Variants in KLF8 observed in about 807,000 individuals in gnomAD.
KLF8 encodes KLF transcription factor 8.
Under a neutral mutation model 18.2 loss-of-function variants are expected in KLF8, and 10 were observed. That is an observed-to-expected ratio of 0.55 (90% CI 0.34 to 0.93). KLF8 has a LOEUF of 0.93. Among genes scored for constraint, KLF8 ranks in the 40% least tolerant of loss-of-function variants. KLF8 has a pLI of 0.02. For missense variants in KLF8, 264 were observed against 277.9 expected (o/e 0.95, Z 0.36); for synonymous variants, 109 against 97.3 (o/e 1.12, Z -0.71).
the KLF8 span, among the ~76,000 whole-genome samples, chrX:56,143,524 A>T: frequency 2.7e-5 from 3 of 112,292 alleles, no homozygotes; most frequent in African/African-American, 9.7e-5. Flanking sequence ...CATAGTAGGC[A>T]TTCAAAGAAG....
the KLF8 span, among the ~76,000 whole-genome samples, chrX:56,163,487 G>C: frequency 8.9e-6 from 1 of 111,789 alleles, no homozygotes; most frequent in Non-Finnish European, 1.9e-5. Flanking sequence ...ATAGATATTG[G>C]ATATTAGACC....
At chrX:56,207,330 G>C in the KLF8 span, among the ~76,000 whole-genome samples, 1 of 112,164 alleles carries the variant, frequency 8.9e-6, no homozygotes, top group African/African-American at 3.2e-5. Flanking sequence ...GCATCATCAG[G>C]CTGCAAATTT....
chrX:56,048,580 A>G, the KLF8 span, among the ~76,000 whole-genome samples: 1 of 111,453 alleles, frequency 9.0e-6, no homozygotes, highest in Non-Finnish European at 1.9e-5. Context: ...ATAGTTGTAG[A>G]TGTGCGGCAT....
the KLF8 span, among the ~76,000 whole-genome samples, chrX:55,999,285 A>ATTTTTTTTTTTTTTTTTTTTTTTT: frequency 1.9e-3 from 63 of 33,480 alleles, 13 homozygotes; most frequent in East Asian, 7.9e-3. Context: ...ATGCCTCCAG[A>ATTTTTTTTTTTTTTTTTTTTTTTT]TTTTTTTTTT....
At chrX:55,912,952 C>T in the KLF8 span, among the ~76,000 whole-genome samples, 1 of 111,973 alleles carries the variant, frequency 8.9e-6, no homozygotes, top group Non-Finnish European at 1.9e-5. Context: ...AGCTAGTAAG[C>T]GGCAGAGCTG....
At chrX:56,002,894 G>A in the KLF8 span, among the ~76,000 whole-genome samples, 2 of 112,074 alleles carry the variant, frequency 1.8e-5, no homozygotes, top group Non-Finnish European at 3.8e-5. Context: ...GATGTTTAAA[G>A]GAATGCAGAA....
the KLF8 span, among the ~76,000 whole-genome samples, chrX:55,946,832 G>T: frequency 9.5e-4 from 106 of 111,533 alleles, no homozygotes; most frequent in African/African-American, 3.4e-3. Context: ...CAAAGGACAT[G>T]AACAGACACT....
chrX:56,135,555 G>A, the KLF8 span, among the ~76,000 whole-genome samples: 1 of 110,589 alleles, frequency 9.0e-6, no homozygotes. Context: ...CTGTTGTGGG[G>A]TGGGGGACGG....
chrX:56,058,291 T>TATATATATATAC, the KLF8 span, among the ~76,000 whole-genome samples: 3 of 21,130 alleles, frequency 1.4e-4, no homozygotes, highest in Admixed American at 8.2e-4. Context: ...TATATATATA[T>TATATATATATAC]ATATATATAT....
the KLF8 span, among the ~76,000 whole-genome samples, chrX:56,043,093 T>C: frequency 8.9e-6 from 1 of 111,969 alleles, no homozygotes; most frequent in African/African-American, 3.2e-5. Flanking sequence ...TGGCCAAATA[T>C]GAAATTCTGT....
At chrX:56,026,641 A>G in the KLF8 span, among the ~76,000 whole-genome samples, 1 of 111,964 alleles carries the variant, frequency 8.9e-6, no homozygotes, top group Non-Finnish European at 1.9e-5. Flanking sequence ...TGTAACTTTC[A>G]TGTGATTCCC....
At chrX:56,051,459 G>A in the KLF8 span, among the ~76,000 whole-genome samples, 1 of 110,191 alleles carries the variant, frequency 9.1e-6, no homozygotes, top group Non-Finnish European at 1.9e-5. Flanking sequence ...TGTAAGGCAG[G>A]CCTGGTGGTG....
At chrX:56,035,547 G>A in the KLF8 span, among the ~76,000 whole-genome samples, 1 of 111,916 alleles carries the variant, frequency 8.9e-6, no homozygotes, top group African/African-American at 3.2e-5. Context: ...ACTTCATACT[G>A]TTCATTATAG....
the KLF8 span, among the ~76,000 whole-genome samples, chrX:56,009,406 A>G: frequency 5.5e-4 from 61 of 111,471 alleles, 2 homozygotes; most frequent in South Asian, 0.023. Context: ...AAGCAACAAC[A>G]ACATCATCAA....
At chrX:56,107,747 C>G in the KLF8 span, among the ~76,000 whole-genome samples, 1 of 111,332 alleles carries the variant, frequency 9.0e-6, no homozygotes, top group Non-Finnish European at 1.9e-5. Flanking sequence ...CAACAAGTCC[C>G]AGTGAGATTA....
the KLF8 span, among the ~76,000 whole-genome samples, chrX:56,141,820 C>A: frequency 5.4e-5 from 6 of 111,724 alleles, no homozygotes; most frequent in African/African-American, 2.0e-4. Flanking sequence ...GGTGATGATA[C>A]AAATGACCAA....
chrX:55,932,045 G>A, the KLF8 span, among the ~76,000 whole-genome samples: 2 of 110,000 alleles, frequency 1.8e-5, no homozygotes, highest in East Asian at 2.8e-4. Flanking sequence ...ATGAATCTGG[G>A]CACTCCTGTA....
At chrX:56,250,017 G>A (rs892883585) in intron 1 of KLF8, among the ~76,000 whole-genome samples, 1 of 111,899 alleles carries the variant, frequency 8.9e-6, no homozygotes, top group Non-Finnish European at 1.9e-5. Flanking sequence ...TTACCTGCAT[G>A]CAGTTTGGTG....
the KLF8 span, among the ~76,000 whole-genome samples, chrX:56,013,608 T>C: frequency 6.3e-5 from 7 of 111,476 alleles, no homozygotes; most frequent in Non-Finnish European, 1.1e-4. Flanking sequence ...GTGGAGATAA[T>C]TGAATCATGG....
Sources: allele counts gnomAD v4.1 joint callset (sites outside exome capture counted in the v4.1 genomes callset), GRCh38; gene constraint gnomAD v4.1.1; transcripts MANE v1.5; gene names NCBI Gene and HGNC (gene_info 2026-07-23, HGNC 2026-07-21).